Variants in NRXN1 observed in about 807,000 individuals in gnomAD.
NRXN1 encodes the protein neurexin 1, also known as neurexin-1.
A neutral mutation model predicts 150.9 loss-of-function variants in NRXN1; 39 were observed. That is an observed-to-expected ratio of 0.26 (90% CI 0.20 to 0.34). The LOEUF is 0.34. Among genes scored for constraint, NRXN1 ranks in the 10% least tolerant of loss-of-function variants. The pLI is 1.00. For missense variants in NRXN1, 1,815 were observed against 1,949.9 expected, an observed-to-expected ratio of 0.93 and a Z score of 1.30; for synonymous variants, 924 against 757.0, an observed-to-expected ratio of 1.22 and a Z score of -3.62.
intron 8 of NRXN1, among the ~76,000 whole-genome samples, chr2:50,571,474 C>A (rs1202028909): frequency 1.3e-5 from 2 of 152,110 alleles, no homozygotes; most frequent in African/African-American, 4.8e-5. Context: ...GTATTTTTGT[C>A]TAGTGTACTA....
At chr2:50,701,896 G>C (rs1693793063) in intron 5 of NRXN1, among the ~76,000 whole-genome samples, 1 of 152,038 alleles carries the variant, frequency 6.6e-6, no homozygotes, top group African/African-American at 2.4e-5. Context: ...AGAATAATTT[G>C]TAACCAGTCC....
chr2:50,070,657 C>T (rs896577749), intron 19 of NRXN1, among the ~76,000 whole-genome samples: 3 of 150,562 alleles, frequency 2.0e-5, no homozygotes, highest in African/African-American at 7.3e-5. Context: ...GTAGTCCCAG[C>T]TACTCGGGAG....
At chr2:50,396,451 T>C (rs1465505231) in intron 17 of NRXN1, among the ~76,000 whole-genome samples, 2 of 152,180 alleles carry the variant, frequency 1.3e-5, no homozygotes, top group South Asian at 2.1e-4. Context: ...ACATTCCTGC[T>C]ACAAAGCAAA....
chr2:50,952,624 T>C (rs1370335181), intron 2 of NRXN1, among the ~76,000 whole-genome samples: 1 of 152,128 alleles, frequency 6.6e-6, no homozygotes, highest in African/African-American at 2.4e-5. Flanking sequence ...AGAAAATAAA[T>C]AAAAATGAAC....
chr2:50,461,490 G>A (rs1232442327), intron 17 of NRXN1, among the ~76,000 whole-genome samples: 2 of 152,012 alleles, frequency 1.3e-5, no homozygotes, highest in East Asian at 3.9e-4. Flanking sequence ...CATTAAGTTA[G>A]CTTAATATGG....
intron 2 of NRXN1, among the ~76,000 whole-genome samples, chr2:51,020,697 G>A (rs1288147790): frequency 2.0e-5 from 3 of 151,812 alleles, no homozygotes; most frequent in East Asian, 1.9e-4. Context: ...TTCCCAATTC[G>A]CAACCTTAGA....
At chr2:50,259,274 T>C (rs2068018021) in intron 17 of NRXN1, among the ~76,000 whole-genome samples, 1 of 151,962 alleles carries the variant, frequency 6.6e-6, no homozygotes, top group African/African-American at 2.4e-5. Context: ...AAATTTTAGC[T>C]AAATTTTTTT....
intron 5 of NRXN1, among the ~76,000 whole-genome samples, chr2:50,876,309 AC>A (rs1678582296): frequency 6.6e-6 from 1 of 151,708 alleles, no homozygotes; most frequent in Non-Finnish European, 1.5e-5. Flanking sequence ...ACTCTGTGAC[AC>A]CATTATCATG....
intron 5 of NRXN1, among the ~76,000 whole-genome samples, chr2:50,635,263 T>A (rs544408624): frequency 6.6e-6 from 1 of 151,850 alleles, no homozygotes; most frequent in South Asian, 2.1e-4. Context: ...GTTCACGCCA[T>A]TCTCCTGCCT....
At chr2:50,328,676 C>T (rs146797820) in intron 17 of NRXN1, among the ~76,000 whole-genome samples, 137 of 152,268 alleles carry the variant, frequency 9.0e-4, no homozygotes, top group African/African-American at 3.2e-3. Context: ...GCAGAGGTTG[C>T]AGTGAGCCGA....
In NRXN1 at chr2:50,334,209, A is replaced by ATATATATATATATATATG. The variant is rs760530144; in HGVS notation, c.3365-97240_3365-97239insCATATATATATATATATA. Among the ~76,000 whole-genome samples, 49 of 121,456 alleles carry ATATATATATATATATATG rather than the reference A, an allele frequency of 4.0e-4. 2 individuals carry two copies. Among genetic ancestry groups the ATATATATATATATATATG allele is most frequent in the African/African-American group, 1.8e-3 (42 of 22,874 alleles). The allele number at this position is 121,456 out of a possible 152,430, so 79.7% of individuals were successfully genotyped here. On this transcript the variant is annotated intron_variant, in intron 17 of 22. Coordinates refer to ENST00000401669, the MANE Select transcript of NRXN1 (RefSeq NM_001330078.2). ...CAGGACCAAATATATATATATATAT[A>ATATATATATATATATATG]TATGTATGTAGATATTGTTTAACGG... is the stretch of plus-strand genomic sequence containing the variant.
chr2:51,030,757 C>T (rs1470542127), intron 1 of NRXN1, among the ~76,000 whole-genome samples: 1 of 152,098 alleles, frequency 6.6e-6, no homozygotes, highest in East Asian at 1.9e-4. Context: ...ATTCAGTATA[C>T]TTTCATATTT....
At chr2:49,928,763 G>A (rs1008007790) in intron 22 of NRXN1, among the ~76,000 whole-genome samples, 3 of 152,166 alleles carry the variant, frequency 2.0e-5, no homozygotes, top group African/African-American at 4.8e-5. Context: ...GGGACACAAT[G>A]ATTTATATGA....
intron 17 of NRXN1, among the ~76,000 whole-genome samples, chr2:50,296,273 T>C (rs2073547351): frequency 6.6e-6 from 1 of 152,206 alleles, no homozygotes; most frequent in African/African-American, 2.4e-5. Flanking sequence ...AAGGAATCCC[T>C]GAAAGGATAA....
intron 21 of NRXN1, among the ~76,000 whole-genome samples, chr2:50,031,949 AAT>A (rs1234553011): frequency 6.6e-6 from 1 of 152,036 alleles, no homozygotes; most frequent in African/African-American, 2.4e-5. Context: ...AATTCTGAGA[AAT>A]TGGAAGACAT....
intron 17 of NRXN1, among the ~76,000 whole-genome samples, chr2:50,323,753 T>C (rs1248783578): frequency 1.3e-5 from 2 of 152,206 alleles, no homozygotes; most frequent in Non-Finnish European, 2.9e-5. Context: ...TATGCCTATG[T>C]GTATCTGTTC....
rs545955791 is a variant in NRXN1, at chr2:50,940,401, G to A, written c.773-14446C>T. ...TAGGCAGGAGAACTGCTTGAACCCG[G>A]GAGGTGGAGGTTGCAGTGAACCAAT... is the stretch of plus-strand genomic sequence containing the variant. On this transcript the variant is annotated intron_variant, in intron 2 of 22. Transcript: ENST00000401669. 1.1e-4 allele frequency among the ~76,000 whole-genome samples: 17 copies of A among 151,740 alleles called. No homozygotes were observed. The South Asian group carries it at 3.5e-3, about 32-fold the overall frequency.
chr2:50,573,305 A>C (rs1278079837), intron 8 of NRXN1, among the ~76,000 whole-genome samples: 2 of 151,866 alleles, frequency 1.3e-5, no homozygotes, highest in African/African-American at 2.4e-5. Flanking sequence ...TAAGGCTGCA[A>C]TGAACCGTAA....
At chr2:50,969,887 A>C (rs1444925232) in intron 2 of NRXN1, among the ~76,000 whole-genome samples, 1 of 152,176 alleles carries the variant, frequency 6.6e-6, no homozygotes, top group East Asian at 1.9e-4. Flanking sequence ...CCCAAAGATA[A>C]AGAGGAAATT....
Sources: gnomAD v4.1 joint callset for allele counts (sites outside exome capture counted in the v4.1 genomes callset) on GRCh38, gnomAD v4.1.1 for gene constraint, MANE v1.5 for transcripts, NCBI Gene and HGNC (gene_info 2026-07-23, HGNC 2026-07-21) for gene names.